Variants in WNK1 observed in about 807,000 individuals in gnomAD.
WNK1 encodes serine/threonine-protein kinase WNK1.
WNK1 carries 38 observed loss-of-function variants against 222.8 expected under a neutral mutation model. The observed-to-expected ratio is 0.17, with a 90% CI of 0.13 to 0.22. The LOEUF (loss-of-function observed/expected upper bound fraction) is 0.22. WNK1 is among the 10% of genes least tolerant of loss of function. The probability of loss-of-function intolerance (pLI) is 1.00; values close to 1 mark genes in which losing one functional copy is unlikely to be tolerated. For synonymous variants in WNK1, 1,090 were observed against 1,092.9 expected (o/e 1.00, Z 0.05); for missense variants, 2,348 against 2,918.4 (o/e 0.80, Z 4.50).
chr12:838,654 G>T (rs771176521), intron 4 of WNK1, among the ~76,000 whole-genome samples: 1 of 152,032 alleles, frequency 6.6e-6, no homozygotes, highest in East Asian at 1.9e-4. Flanking sequence ...CAGATCAAGC[G>T]GTCTGCCTGC....
intron 20 of WNK1, among the ~76,000 whole-genome samples, chr12:888,159 T>C (rs1953854727): frequency 1.3e-5 from 2 of 152,160 alleles, no homozygotes. Flanking sequence ...ATATAAGAAA[T>C]AAGAAAAACA....
At chr12:838,474 G>A (rs1018090871) in intron 4 of WNK1, among the ~76,000 whole-genome samples, 1 of 152,154 alleles carries the variant, frequency 6.6e-6, no homozygotes, top group South Asian at 2.1e-4. Flanking sequence ...GAGTGCAGTG[G>A]CACAATCTCG....
In WNK1 at chr12:797,602, G is replaced by A. The variant is rs7965412; in HGVS notation, c.760-16040G>A. ...TTTATTATTGCATCAAATGCAGACA[G>A]GTTCTACTCTCTACTTTGTAAGATG... On this transcript the variant is annotated intron_variant, in intron 1 of 27. Coordinates refer to ENST00000315939, the MANE Select transcript of WNK1 (RefSeq NM_018979.4). 7.6e-3 allele frequency among the ~76,000 whole-genome samples: 1,149 copies of A among 152,116 alleles called. 21 individuals are homozygous for A. The highest frequency in any genetic ancestry group is 0.026 in the African/African-American group (1,095 of 41,496).
At chr12:774,417 G>T (rs1242665266) in intron 1 of WNK1, among the ~76,000 whole-genome samples, 1 of 152,154 alleles carries the variant, frequency 6.6e-6, no homozygotes, top group Non-Finnish European at 1.5e-5. Context: ...TTCTCAGACA[G>T]AAGCCAGCTG....
chr12:769,208 CT>C (rs575352226), intron 1 of WNK1, among the ~76,000 whole-genome samples: 14 of 147,756 alleles, frequency 9.5e-5, no homozygotes, highest in East Asian at 2.0e-4. Flanking sequence ...CTTCCGTTTC[CT>C]TTTTTTTTTG....
chr12:840,291 C>CTTTTTTT (rs71441622), intron 4 of WNK1, among the ~76,000 whole-genome samples: 1 of 128,414 alleles, frequency 7.8e-6, no homozygotes, highest in Non-Finnish European at 1.6e-5. Context: ...CCATGTCCAG[C>CTTTTTTT]TTTTTTTTTT....
rs193095412 is a variant in WNK1, at chr12:865,284, T to C, written c.2139+3014T>C. 4.5e-3 allele frequency: 6,984 copies of C among 1,536,112 alleles called. 483 individuals are homozygous for C. In the Admixed American group the frequency reaches 0.13, roughly 28 times the overall value. On this transcript the variant is annotated intron_variant, in intron 8 of 27. Coordinates refer to ENST00000315939, the MANE Select transcript of WNK1 (RefSeq NM_018979.4). ...TTTTGCCGAAAAGCTTTCTAAAGCA[T>C]TGGAGAGTGTCCTGCCTATGCACTC...
In WNK1 at chr12:753,539, C is replaced by G; in HGVS notation, c.-27C>G. On this transcript the variant is annotated 5_prime_UTR_variant, in exon 1 of 28. Transcript: ENST00000315939. This position sits in a 1 kb window ranked among gnomAD's most constrained non-coding sequence, Gnocchi z 5.2. Reference sequence around the variant, plus strand: ...CCCTTTTCGTTCACGAATCCGAGCCCGCTCGCCTCTCTCCAGCGAACCGAC... The same window carrying G: ...CCCTTTTCGTTCACGAATCCGAGCCGGCTCGCCTCTCTCCAGCGAACCGAC... The G allele has an allele frequency of 6.2e-7, 1 of 1,611,244 alleles. No individual in the cohort carries two copies. The highest frequency in any genetic ancestry group is 8.5e-7 in the Non-Finnish European group (1 of 1,179,736).
At chr12:856,309 C>T (rs931407051) in intron 4 of WNK1, among the ~76,000 whole-genome samples, 1 of 151,576 alleles carries the variant, frequency 6.6e-6, no homozygotes, top group Non-Finnish European at 1.5e-5. Context: ...CAAAAATTAG[C>T]TGGGCATGGT....
chr12:808,313 G>A (rs1307878832), intron 1 of WNK1, among the ~76,000 whole-genome samples: 4 of 151,702 alleles, frequency 2.6e-5, no homozygotes, highest in Admixed American at 6.6e-5. Context: ...TTTTGGAGAC[G>A]GGGTTTTGCT....
intron 1 of WNK1, among the ~76,000 whole-genome samples, chr12:772,140 G>A (rs571678328): frequency 2.0e-5 from 3 of 151,946 alleles, no homozygotes; most frequent in Non-Finnish European, 4.4e-5. Flanking sequence ...AAACACTCTC[G>A]TTATAAAAAT....
chr12:881,961 C>G lies in WNK1; in HGVS notation c.3260C>G (p.Pro1087Arg). The change falls in exon 14 of 28, where the codon CCA (proline) becomes CGA (arginine). Residue 1087 changes from proline to arginine, a missense_variant. This residue lies in a region of WNK1 where 547 missense variants were observed against 558.3 expected (regional missense o/e 0.98). Coordinates refer to ENST00000315939, the MANE Select transcript of WNK1 (RefSeq NM_018979.4). ...SGMSDGNENV[P>R]SSSGRHEGRT... ...ATGAGTGATGGCAATGAGAACGTCC[C>G]ATCTTCCAGTGGAAGGCATGAAGGA... 1 of 1,614,146 alleles carries G rather than the reference C, an allele frequency of 6.2e-7. No individual in the cohort carries two copies.
In WNK1 at chr12:896,886, C is replaced by CCACACA. The variant is rs34202153; in HGVS notation, c.6245+202_6245+207dup. 2.0e-3 allele frequency among the ~76,000 whole-genome samples: 263 copies of CCACACA among 134,588 alleles called. 2 individuals carry two copies. The highest frequency in any genetic ancestry group is 7.0e-3 in the African/African-American group (237 of 34,068). The allele number at this position is 134,588 out of a possible 152,430, so 88.3% of individuals were successfully genotyped here. A position where few individuals can be genotyped will look rare whatever the true frequency, so the allele number is the denominator to read the frequency against. On this transcript the variant is annotated intron_variant, in intron 24 of 27. Coordinates refer to ENST00000315939, the MANE Select transcript of WNK1 (RefSeq NM_018979.4). ...AGAAGCCCCACCCCATACCTCCCCA[C>CCACACA]CACACACACACACACACACACACAC...
At chr12:831,242 G>A (rs918379502) in intron 4 of WNK1, among the ~76,000 whole-genome samples, 29 of 152,076 alleles carry the variant, frequency 1.9e-4, no homozygotes, top group African/African-American at 6.3e-4. Context: ...GCATATAAAA[G>A]AATTCATTTG....
chr12:801,142 T>G (rs912876239), intron 1 of WNK1, among the ~76,000 whole-genome samples: 37 of 152,226 alleles, frequency 2.4e-4, no homozygotes, highest in African/African-American at 8.4e-4. Context: ...TGTAACTTTC[T>G]TGAGTTATGT....
At position 868,672 on chromosome 12, in the gene WNK1, T is replaced by C. The variant is rs781082488; in HGVS notation, c.2140-2593T>C. ...CAAGCTCCTCTTCAGGAGAAGGAGG[T>C]GGAATTTTACCTCAGCGTGTTTACC... is the stretch of plus-strand genomic sequence containing the variant. On this transcript the variant is annotated intron_variant, in intron 8 of 27. Coordinates refer to ENST00000315939, the MANE Select transcript of WNK1 (RefSeq NM_018979.4). The C allele has an allele frequency of 6.2e-7, 1 of 1,613,774 alleles. No individual in the cohort carries two copies. Among genetic ancestry groups the C allele is most frequent in the Admixed American group, 1.7e-5 (1 of 60,016 alleles).
chr12:797,671 G>A (rs531616671), intron 1 of WNK1, among the ~76,000 whole-genome samples: 6 of 152,004 alleles, frequency 3.9e-5, no homozygotes, highest in South Asian at 4.2e-4. Context: ...CTGGCCAGGC[G>A]GCTGTGGCTC....
At chr12:793,083 A>G (rs550623941) in intron 1 of WNK1, among the ~76,000 whole-genome samples, 84 of 152,330 alleles carry the variant, frequency 5.5e-4, no homozygotes, top group Middle Eastern at 3.4e-3. Context: ...ACATGCTTCT[A>G]TATGATCCTC....
At chr12:777,022 A>G (rs926133402) in intron 1 of WNK1, among the ~76,000 whole-genome samples, 10 of 152,102 alleles carry the variant, frequency 6.6e-5, no homozygotes, top group African/African-American at 2.4e-4. Context: ...TATTGTTACT[A>G]TTCTGTGATT....
Sources: allele counts gnomAD v4.1 joint callset (sites outside exome capture counted in the v4.1 genomes callset), GRCh38; gene constraint gnomAD v4.1.1; regional missense constraint gnomAD v4.1.1; non-coding constraint Gnocchi (gnomAD v3.1); transcripts MANE v1.5; gene names NCBI Gene and HGNC (gene_info 2026-07-23, HGNC 2026-07-21).